The following EME1 variants were observed in gnomAD, a reference collection of about 807,000 sequenced individuals.
EME1 encodes the protein structure-specific endonuclease subunit EME1.
EME1 carries 61 observed loss-of-function variants against 59.1 expected under a neutral mutation model. That is an observed-to-expected ratio of 1.03 (90% CI 0.84 to 1.28). The LOEUF (loss-of-function observed/expected upper bound fraction) is 1.28, where lower values mean the gene tolerates loss of function less well. Ranked by LOEUF, EME1 falls within the 50% of genes most tolerant of loss-of-function variation. The probability of loss-of-function intolerance (pLI) is 0.00; values close to 1 mark genes in which losing one functional copy is unlikely to be tolerated. For missense variants in EME1, 635 were observed against 682.6 expected (o/e 0.93, Z 0.78); for synonymous variants, 230 against 254.2 (o/e 0.90, Z 0.90).
At position 50,379,177 on chromosome 17, in the gene EME1, C is replaced by G; in HGVS notation, c.1183C>G (p.Pro395Ala). 2 of 1,614,154 alleles carry G rather than the reference C, an allele frequency of 1.2e-6. No individual in the cohort carries two copies. The highest frequency in any genetic ancestry group is 1.7e-6 in the Non-Finnish European group (2 of 1,180,026). The stretch of plus-strand genomic sequence containing the variant: ...GACCAAGAAGCAGCAGCAGAGACAA[C>G]CAGAGGCCAGCATAGGGTCCATGGT... ...KQTKKQQQRQ[P>A]EASIGSMVSR... The change falls in exon 6 of 9, where the codon CCA becomes GCA. Residue 395 changes from proline to alanine, a missense_variant. Physicochemically the swap from Pro to Ala is conservative, Grantham distance 27. Transcript: ENST00000338165.
In EME1 at chr17:50,378,267, G is replaced by A. The variant is rs542706934; in HGVS notation, c.904-328G>A. Among the ~76,000 whole-genome samples the A allele has an allele frequency of 3.6e-3, 545 of 151,264 alleles. 3 individuals are homozygous for A. Among genetic ancestry groups the A allele is most frequent in the African/African-American group, 8.7e-3 (357 of 41,128 alleles). On this transcript the variant is annotated intron_variant, in intron 3 of 8. Coordinates refer to ENST00000338165, the MANE Select transcript of EME1 (RefSeq NM_152463.4). ...TTTTTAATAGAGATGGGGTTTTACC[G>A]TGTTGGCCAGGATGGGCTTGATCTC... is the stretch of plus-strand genomic sequence containing the variant.
intron 1 of EME1, among the ~76,000 whole-genome samples, chr17:50,373,607 C>T (rs751713604): frequency 6.6e-6 from 1 of 152,190 alleles, no homozygotes; most frequent in Non-Finnish European, 1.5e-5. Context: ...GTGCTGTTAC[C>T]ATCCCTGTTT....
intron 7 of EME1, 49 bp downstream of exon 7, chr17:50,379,616 C>A: frequency 6.6e-7 from 1 of 1,523,444 alleles, no homozygotes; most frequent in Non-Finnish European, 9.1e-7. Context: ...TGTCCTTTAC[C>A]ATGGCTCTTG....
At chr17:50,376,774 A>C (rs562786485) in intron 3 of EME1, among the ~76,000 whole-genome samples, 173 of 152,332 alleles carry the variant, frequency 1.1e-3, no homozygotes, top group Admixed American at 5.6e-3. Context: ...AGGTGACCCC[A>C]CTGGGAGGGA....
At position 50,379,564 on chromosome 17, in the gene EME1, TCAAGTGAG is replaced by T. The variant is rs771268547; in HGVS notation, c.1344_1346+5del. 1 of 1,613,916 alleles carries T rather than the reference TCAAGTGAG, an allele frequency of 6.2e-7. No homozygotes were observed. The highest frequency in any genetic ancestry group is 8.5e-7 in the Non-Finnish European group (1 of 1,179,952). On this transcript the variant is annotated splice_donor_variant and splice_donor_5th_base_variant and coding_sequence_variant and intron_variant, in exon 7 of 9. Transcript: ENST00000338165. LOFTEE classifies it high-confidence loss of function. The stretch of plus-strand genomic sequence containing the variant: ...ACAAAGGCTGTGGCTGAGGCGCCCT[TCAAGTGAG>T]TAACCCCAGCAAGTCCAGCCTCCAT...
chr17:50,376,255 G>T lies in EME1; in HGVS notation c.903+62G>T, dbSNP rs1025172634. ...CCCCTTACAATTACAGGATAAATAT[G>T]CTTTTATTTTAAAGGATACTTATCA... On this transcript the variant is annotated intron_variant, in intron 3 of 8. Coordinates refer to ENST00000338165, the MANE Select transcript of EME1 (RefSeq NM_152463.4). 5.7e-6 allele frequency: 9 copies of T among 1,587,224 alleles called. No individual in the cohort carries two copies. In the African/African-American group the frequency reaches 1.1e-4, roughly 19 times the overall value.
At position 50,380,460 on chromosome 17, in the gene EME1, G is replaced by C; in HGVS notation, c.1495G>C (p.Ala499Pro). The C allele has an allele frequency of 3.1e-6, 5 of 1,614,166 alleles. No homozygotes were observed. The highest frequency in any genetic ancestry group is 4.2e-6 in the Non-Finnish European group (5 of 1,180,040). Residue 499 changes from alanine to proline, a missense_variant, in exon 8 of 9, where the codon GCA becomes CCA. Ala to Pro is a conservative substitution (Grantham distance 27). Transcript: ENST00000338165. ...LNRVSLEMAS[A>P]VVNAYPSPQL... is the part of the protein sequence containing the mutation. ...CCGAGTCAGCCTGGAAATGGCCAGT[G>C]CAGTTGTGAATGCCTATCCCTCCCC...
At chr17:50,374,342 A>G (rs959546649) in intron 1 of EME1, among the ~76,000 whole-genome samples, 1 of 152,090 alleles carries the variant, frequency 6.6e-6, no homozygotes, top group East Asian at 1.9e-4. Flanking sequence ...GGCTCAAGCA[A>G]TCCTCCCACC....
rs754162208 is a variant in EME1 at position 50,380,925 on chromosome 17, G to C, written c.1699G>C (p.Asp567His). ...CACTTTACAGCCACATCTCTCTTTA[G>C]ATAGTGCTGACTGATTCTAGCCCTC... ...MTTLQPHLSL[D>H]SAD is the part of the protein sequence containing the mutation. The change falls in exon 9 of 9, where the codon GAT (aspartate) becomes CAT (histidine). Residue 567 changes from aspartate (D) to histidine (H), a missense_variant. By Grantham distance (81) the Asp-to-His change is moderately conservative. Coordinates refer to ENST00000338165, the MANE Select transcript of EME1 (RefSeq NM_152463.4). 6.2e-7 allele frequency: 1 copy of C among 1,614,154 alleles called. No homozygotes were observed. The highest frequency in any genetic ancestry group is 2.2e-5 in the East Asian group (1 of 44,880).
chr17:50,377,244 A>G (rs1485758016), intron 3 of EME1, among the ~76,000 whole-genome samples: 4 of 152,120 alleles, frequency 2.6e-5, no homozygotes, highest in Non-Finnish European at 5.9e-5. Context: ...AGGCACTCCC[A>G]CATTCTCTCT....
At chr17:50,374,892 TAAAC>T (rs1567814364) in intron 1 of EME1, among the ~76,000 whole-genome samples, 1 of 151,932 alleles carries the variant, frequency 6.6e-6, no homozygotes, top group Non-Finnish European at 1.5e-5. Context: ...AACGTGAAGA[TAAAC>T]AAGGGGTTGG....
At chr17:50,376,399 G>C (rs113904873) in intron 3 of EME1, among the ~76,000 whole-genome samples, 3 of 152,288 alleles carry the variant, frequency 2.0e-5, no homozygotes, top group African/African-American at 7.2e-5. Flanking sequence ...TGACAGCATG[G>C]TACCTCACAG....
chr17:50,373,486 G>A (rs1366626917), intron 1 of EME1, among the ~76,000 whole-genome samples: 2 of 152,218 alleles, frequency 1.3e-5, no homozygotes, highest in African/African-American at 2.4e-5. Context: ...CAGAGATGAG[G>A]CCCCCTCCCT....
chr17:50,380,671 C>A, intron 8 of EME1, 92 bp from the exon 9 acceptor site: 1 of 1,575,240 alleles, frequency 6.3e-7, no homozygotes, highest in Non-Finnish European at 8.6e-7. Context: ...GACAGGTTCT[C>A]ATGCCCCAAG....
Position 50,375,872 on chromosome 17 carries a change from A to G in EME1, c.664A>G (p.Lys222Glu). 3 of 1,614,202 alleles carry G rather than the reference A, an allele frequency of 1.9e-6. No individual in the cohort carries two copies. The highest frequency in any genetic ancestry group is 2.5e-6 in the Non-Finnish European group (3 of 1,180,042). The change falls in exon 2 of 9, where the codon AAG (lysine) becomes GAG (glutamate). Residue 222 changes from lysine to glutamate, a missense_variant. Transcript: ENST00000338165. The stretch of plus-strand genomic sequence containing the variant: ...CCGGCAGCAGAGACAAGCAAGGCAG[A>G]AGGAAAGCACCCTGAGAAGACAGGA... ...GCRQQRQARQKESTLRRQERK... is the reference protein window; with the variant it reads ...GCRQQRQARQEESTLRRQERK...
rs1399139775 is a variant in EME1, at chr17:50,375,406, T to C, written c.198T>C (p.Pro66=). Residue 66 remains proline, a synonymous_variant, in exon 2 of 9, where the codon CCT becomes CCC. Transcript: ENST00000338165. ...CAGCACCAGAGTTATTTTCACCACC[T>C]GTCCCAGAAATAGCTGAAACTGTCA... The part of the protein sequence containing the change: ...CPPAPELFSP[P]VPEIAETVTQ... 1.2e-6 allele frequency: 2 copies of C among 1,614,094 alleles called. No individual in the cohort carries two copies. The highest frequency in any genetic ancestry group is 1.7e-6 in the Non-Finnish European group (2 of 1,180,052).
rs2189712 is a variant in EME1 at position 50,378,624 on chromosome 17, A to T, written c.933A>T (p.Thr311=). ...GAGAGGACTGGGTGGAGGAGCCAAC[A>T]GTACTGGTGTTGCTCCGGGCAGAGG... ...EDREDWVEEP[T]VLVLLRAEAF... The change falls in exon 4 of 9, where the codon ACA becomes ACT. Residue 311 remains threonine (T), a synonymous_variant. Coordinates refer to ENST00000338165, the MANE Select transcript of EME1 (RefSeq NM_152463.4). 409,304 of 1,613,838 alleles carry T rather than the reference A, an allele frequency of 0.25. 55,813 individuals are homozygous for T. Among genetic ancestry groups the T allele is most frequent in the Non-Finnish European group, 0.28 (331,511 of 1,179,908 alleles).
In EME1 at chr17:50,376,116, A is replaced by G; in HGVS notation, c.826A>G (p.Met276Val). Residue 276 changes from methionine to valine, a missense_variant, in exon 3 of 9, where the codon ATG (methionine) becomes GTG (valine). By Grantham distance (21) the Met-to-Val change is conservative. Coordinates refer to ENST00000338165, the MANE Select transcript of EME1 (RefSeq NM_152463.4). ...CCAGCTCCTAGGAGCACTGCAGACC[A>G]TGGAGTGCCGCTGTGTGATTGAGGC... Reference protein sequence around the residue: ...GGQLLGALQTMECRCVIEAQA... With the variant: ...GGQLLGALQTVECRCVIEAQA... The G allele has an allele frequency of 6.2e-7, 1 of 1,614,106 alleles. No homozygotes were observed. The highest frequency in any genetic ancestry group is 2.2e-5 in the East Asian group (1 of 44,890).
intron 3 of EME1, among the ~76,000 whole-genome samples, chr17:50,378,170 A>G (rs1913571603): frequency 1.4e-5 from 2 of 146,582 alleles, no homozygotes; most frequent in Non-Finnish European, 3.0e-5. Context: ...AGTTTCAAGC[A>G]ATTCTCCTGC....
Sources: gnomAD v4.1 joint callset for allele counts (sites outside exome capture counted in the v4.1 genomes callset) on GRCh38, gnomAD v4.1.1 for gene constraint, MANE v1.5 for transcripts, NCBI Gene and HGNC (gene_info 2026-07-23, HGNC 2026-07-21) for gene names.